Variants in GRHL2 observed in about 807,000 individuals in gnomAD.
The protein encoded by GRHL2 is grainyhead like transcription factor 2.
A neutral mutation model predicts 83.8 loss-of-function variants in GRHL2; 21 were observed. The ratio of observed to expected loss-of-function variants is 0.25; its 90% confidence interval spans 0.18 to 0.36. The LOEUF (loss-of-function observed/expected upper bound fraction) is 0.36. Among genes scored for constraint, GRHL2 ranks in the 10% least tolerant of loss-of-function variants. The pLI, the probability that GRHL2 is intolerant of heterozygous loss-of-function variation, is 1.00. For synonymous variants in GRHL2, 280 were observed against 278.9 expected, an observed-to-expected ratio of 1.00 and a Z score of -0.04; for missense variants, 623 against 781.8, an observed-to-expected ratio of 0.80 and a Z score of 2.42.
Position 101,577,452 on chromosome 8 carries a change from A to G in GRHL2, c.936A>G (p.Glu312=). 3 of 1,614,098 alleles carry G rather than the reference A, an allele frequency of 1.9e-6. No individual in the cohort carries two copies. Among genetic ancestry groups the G allele is most frequent in the Non-Finnish European group, 2.5e-6 (3 of 1,179,954 alleles). Residue 312 remains glutamate, a synonymous_variant, in exon 7 of 16, where the codon GAA becomes GAG. Transcript: ENST00000646743. ...TCAGTGAAGACAAAAACAGAGATGAACAGCTCAAATACTGGAAATACTGGC... is the reference window on the plus strand; with the variant it reads ...TCAGTGAAGACAAAAACAGAGATGAGCAGCTCAAATACTGGAAATACTGGC... The part of the protein sequence containing the change: ...VVFSEDKNRD[E]QLKYWKYWHS...
intron 7 of GRHL2, among the ~76,000 whole-genome samples, chr8:101,590,106 G>A (rs1367651393): frequency 1.3e-5 from 2 of 152,098 alleles, no homozygotes; most frequent in Non-Finnish European, 2.9e-5. Context: ...AAAAATGGTG[G>A]CCATTATTAT....
chr8:101,557,851 G>C (rs772249963), intron 3 of GRHL2, among the ~76,000 whole-genome samples: 1 of 151,908 alleles, frequency 6.6e-6, no homozygotes, highest in African/African-American at 2.4e-5. Context: ...ATGAAGGTTT[G>C]ATTAGATTTA....
chr8:101,514,648 A>G (rs1310839758), intron 1 of GRHL2, among the ~76,000 whole-genome samples: 1 of 152,200 alleles, frequency 6.6e-6, no homozygotes, highest in African/African-American at 2.4e-5. Context: ...CTCTCCCGGC[A>G]GCTGGAGTGC....
intron 5 of GRHL2, 52 bp from the exon 6 acceptor site, chr8:101,573,616 A>T: frequency 1.2e-6 from 2 of 1,609,630 alleles, no homozygotes; most frequent in Non-Finnish European, 1.7e-6. Flanking sequence ...TGGTCAAAAG[A>T]GCAGAAATGT....
chr8:101,561,764 A>G (rs1279363110), intron 4 of GRHL2, among the ~76,000 whole-genome samples: 1 of 152,222 alleles, frequency 6.6e-6, no homozygotes, highest in Non-Finnish European at 1.5e-5. Flanking sequence ...ATTCACTTCT[A>G]TAGTTTTAAG....
At chr8:101,597,378 C>T (rs1812412406) in intron 7 of GRHL2, among the ~76,000 whole-genome samples, 1 of 152,042 alleles carries the variant, frequency 6.6e-6, no homozygotes, top group Non-Finnish European at 1.5e-5. Flanking sequence ...GACACATGCA[C>T]ACGTATGTTT....
chr8:101,620,490 G>C (rs1254837885), intron 9 of GRHL2, among the ~76,000 whole-genome samples: 1 of 152,144 alleles, frequency 6.6e-6, no homozygotes, highest in African/African-American at 2.4e-5. Flanking sequence ...TATAAAATAA[G>C]TTCATTAGTA....
chr8:101,571,337 T>A (rs1396404556), intron 5 of GRHL2, among the ~76,000 whole-genome samples: 1 of 152,022 alleles, frequency 6.6e-6, no homozygotes, highest in African/African-American at 2.4e-5. Flanking sequence ...TTTTAAGACC[T>A]TGGTTATGAT....
intron 7 of GRHL2, among the ~76,000 whole-genome samples, chr8:101,579,242 A>G (rs1422242977): frequency 1.3e-5 from 2 of 152,242 alleles, no homozygotes; most frequent in East Asian, 3.8e-4. Flanking sequence ...AGGAGCAATT[A>G]AAGAGAAATA....
intron 4 of GRHL2, among the ~76,000 whole-genome samples, chr8:101,561,204 G>A (rs1371267351): frequency 3.3e-5 from 5 of 151,380 alleles, no homozygotes; most frequent in African/African-American, 1.2e-4. Flanking sequence ...ATAATGAACA[G>A]ATGTTGTACC....
chr8:101,586,429 C>T (rs1418475000), intron 7 of GRHL2, among the ~76,000 whole-genome samples: 3 of 152,166 alleles, frequency 2.0e-5, no homozygotes, highest in African/African-American at 7.2e-5. Flanking sequence ...GGCCCTCTCT[C>T]GCTTCTTCAC....
At chr8:101,649,942 C>T in intron 14 of GRHL2, among the ~76,000 whole-genome samples, 1 of 152,124 alleles carries the variant, frequency 6.6e-6, no homozygotes, top group East Asian at 1.9e-4. Context: ...TAAGACTTTT[C>T]CCTTCCTACC....
chr8:101,596,355 C>T (rs1041019787), intron 7 of GRHL2, among the ~76,000 whole-genome samples: 12 of 152,156 alleles, frequency 7.9e-5, no homozygotes, highest in African/African-American at 2.9e-4. Context: ...TCAACTTTAG[C>T]AGGAACACTT....
intron 9 of GRHL2, among the ~76,000 whole-genome samples, chr8:101,621,226 T>C (rs1812958628): frequency 6.6e-6 from 1 of 152,164 alleles, no homozygotes. Context: ...TCAGACTGAC[T>C]TCCCCATGAA....
chr8:101,560,064 G>A (rs1295831607), intron 4 of GRHL2, among the ~76,000 whole-genome samples: 1 of 152,134 alleles, frequency 6.6e-6, no homozygotes, highest in African/African-American at 2.4e-5. Context: ...GGAGTGCAGT[G>A]GTGAGATCTT....
At chr8:101,573,886 C>A in intron 6 of GRHL2, 62 bp downstream of exon 6, 1 of 1,556,520 alleles carries the variant, frequency 6.4e-7, no homozygotes, top group Non-Finnish European at 8.9e-7. Flanking sequence ...GGCTACCTCA[C>A]AGCCTTGTGG....
intron 1 of GRHL2, among the ~76,000 whole-genome samples, chr8:101,520,400 A>G (rs1474374295): frequency 2.6e-5 from 4 of 152,226 alleles, no homozygotes; most frequent in African/African-American, 7.2e-5. Flanking sequence ...GAAAAGGGCT[A>G]CAGAATCTTA....
At chr8:101,536,208 TA>T in intron 1 of GRHL2, among the ~76,000 whole-genome samples, 1 of 152,312 alleles carries the variant, frequency 6.6e-6, no homozygotes, top group East Asian at 1.9e-4. Context: ...TGGAAGACCT[TA>T]AATGTCAGAC....
chr8:101,578,192 G>A (rs1184756873), intron 7 of GRHL2, among the ~76,000 whole-genome samples: 2 of 152,170 alleles, frequency 1.3e-5, no homozygotes, highest in Non-Finnish European at 2.9e-5. Context: ...AAGGCTGAAG[G>A]CACAATGAGA....
Sources: gnomAD v4.1 joint callset for allele counts (sites outside exome capture counted in the v4.1 genomes callset) on GRCh38, gnomAD v4.1.1 for gene constraint, MANE v1.5 for transcripts, NCBI Gene and HGNC (gene_info 2026-07-23, HGNC 2026-07-21) for gene names.